FHIT: variants seen among roughly 807,000 people sequenced by gnomAD.
FHIT encodes bis(5'-adenosyl)-triphosphatase.
In FHIT, 19 loss-of-function variants were observed where a neutral mutation model predicts 17.9. That is an observed-to-expected ratio of 1.06 (90% CI 0.74 to 1.56). The LOEUF (loss-of-function observed/expected upper bound fraction) is 1.56, where lower values mean the gene tolerates loss of function less well. Ranked by LOEUF, FHIT falls within the 40% of genes most tolerant of loss-of-function variation. The probability of loss-of-function intolerance (pLI) is 0.00; values close to 1 mark genes in which losing one functional copy is unlikely to be tolerated. For synonymous variants in FHIT, 81 were observed against 69.7 expected (o/e 1.16, Z -0.81); for missense variants, 248 against 189.2 (o/e 1.31, Z -1.82).
At chr3:60,931,995 T>C (rs1553771916) in intron 3 of FHIT, among the ~76,000 whole-genome samples, 1 of 152,190 alleles carries the variant, frequency 6.6e-6, no homozygotes, top group East Asian at 1.9e-4. Context: ...CACTAGGGTG[T>C]AGAGAACTTT....
chr3:60,489,499 C>T (rs1298455209), intron 5 of FHIT, among the ~76,000 whole-genome samples: 1 of 152,088 alleles, frequency 6.6e-6, no homozygotes, highest in African/African-American at 2.4e-5. Flanking sequence ...ATCTAGCTTA[C>T]AACTGTTTGG....
chr3:60,431,174 G>A (rs1047080478), intron 5 of FHIT, among the ~76,000 whole-genome samples: 2 of 150,510 alleles, frequency 1.3e-5, no homozygotes, highest in Admixed American at 6.6e-5. Context: ...TCGCACCACT[G>A]CACTCTAGCC....
At chr3:60,122,994 G>T (rs1319145954) in intron 5 of FHIT, among the ~76,000 whole-genome samples, 1 of 152,136 alleles carries the variant, frequency 6.6e-6, no homozygotes, top group African/African-American at 2.4e-5. Context: ...CTTGTAATGG[G>T]CTGGTATAAT....
At chr3:60,915,701 AC>A (rs2107290626) in intron 3 of FHIT, among the ~76,000 whole-genome samples, 1 of 152,318 alleles carries the variant, frequency 6.6e-6, no homozygotes, top group Non-Finnish European at 1.5e-5. Flanking sequence ...TCTAAAAGAA[AC>A]TTTTAGGTGT....
intron 5 of FHIT, among the ~76,000 whole-genome samples, chr3:60,268,529 TTGAG>T (rs1706701961): frequency 6.6e-6 from 1 of 152,224 alleles, no homozygotes; most frequent in Non-Finnish European, 1.5e-5. Flanking sequence ...TGGACATTTA[TTGAG>T]TAAGAAGAAA....
intron 4 of FHIT, among the ~76,000 whole-genome samples, chr3:60,624,088 C>A (rs1553679864): frequency 1.3e-5 from 2 of 152,100 alleles, no homozygotes; most frequent in African/African-American, 4.8e-5. Flanking sequence ...TTAATCCATG[C>A]CTAAGTGGAG....
chr3:60,118,045 T>C (rs1366576462), intron 5 of FHIT, among the ~76,000 whole-genome samples: 1 of 152,184 alleles, frequency 6.6e-6, no homozygotes, highest in Non-Finnish European at 1.5e-5. Context: ...CCAAGGATAT[T>C]ATTTATCTTT....
intron 5 of FHIT, among the ~76,000 whole-genome samples, chr3:60,047,476 A>G (rs538048396): frequency 6.6e-6 from 1 of 152,358 alleles, no homozygotes; most frequent in East Asian, 1.9e-4. Flanking sequence ...ATGCTCTTGT[A>G]GAAGGAGCCA....
intron 5 of FHIT, among the ~76,000 whole-genome samples, chr3:60,384,480 G>A (rs368241125): frequency 4.6e-5 from 7 of 152,026 alleles, no homozygotes; most frequent in South Asian, 2.1e-4. Flanking sequence ...GGAGAGAGTC[G>A]TATGTTTTTC....
chr3:60,590,944 T>G (rs2038064284), intron 4 of FHIT, among the ~76,000 whole-genome samples: 1 of 152,032 alleles, frequency 6.6e-6, no homozygotes. Context: ...CAAGAAGGAT[T>G]CATCCAGGGG....
chr3:59,851,392 T>C (rs1171903765), intron 8 of FHIT, among the ~76,000 whole-genome samples: 3 of 152,242 alleles, frequency 2.0e-5, no homozygotes, highest in African/African-American at 7.2e-5. Context: ...ATATCCATTA[T>C]TGTACTTGAT....
intron 5 of FHIT, among the ~76,000 whole-genome samples, chr3:60,200,102 T>C (rs1016879034): frequency 5.3e-5 from 8 of 152,022 alleles, no homozygotes; most frequent in Non-Finnish European, 1.0e-4. Flanking sequence ...CCAATCAACA[T>C]AGACAAGGTA....
intron 1 of FHIT, among the ~76,000 whole-genome samples, chr3:61,249,747 T>C (rs955977511): frequency 1.3e-5 from 2 of 152,164 alleles, no homozygotes; most frequent in African/African-American, 4.8e-5. Context: ...AGCTGTGTAA[T>C]CATGGGCTAT....
chr3:59,786,662 C>T (rs1235566011), intron 8 of FHIT, among the ~76,000 whole-genome samples: 3 of 152,196 alleles, frequency 2.0e-5, no homozygotes, highest in Admixed American at 2.0e-4. Context: ...TGTAGGAAAG[C>T]GGAGATATTC....
intron 2 of FHIT, among the ~76,000 whole-genome samples, chr3:61,102,592 T>C (rs1281365751): frequency 3.3e-5 from 5 of 152,232 alleles, no homozygotes; most frequent in Non-Finnish European, 7.3e-5. Context: ...GAGGATTCCC[T>C]CTTTTTCTAT....
At chr3:61,036,909 T>G (rs1409425332) in intron 3 of FHIT, among the ~76,000 whole-genome samples, 4 of 136,220 alleles carry the variant, frequency 2.9e-5, no homozygotes, top group South Asian at 5.2e-4. Flanking sequence ...TTGTTTTTTT[T>G]TTTTGTTTGT....
chr3:60,561,202 C>T (rs2036933215), intron 4 of FHIT, among the ~76,000 whole-genome samples: 1 of 151,872 alleles, frequency 6.6e-6, no homozygotes, highest in South Asian at 2.1e-4. Flanking sequence ...AATTACACAT[C>T]AAATTACCAA....
chr3:60,843,814 C>T (rs1702825907), intron 3 of FHIT, among the ~76,000 whole-genome samples: 1 of 152,128 alleles, frequency 6.6e-6, no homozygotes, highest in Non-Finnish European at 1.5e-5. Flanking sequence ...AGTGTTCATC[C>T]TTCTCTTCTT....
chr3:59,892,592 A>G (rs1390297161), intron 8 of FHIT, among the ~76,000 whole-genome samples: 1 of 152,238 alleles, frequency 6.6e-6, no homozygotes, highest in Non-Finnish European at 1.5e-5. Context: ...CCAGAACACG[A>G]GAAACAAGAT....
Sources: gnomAD v4.1 joint callset for allele counts (sites outside exome capture counted in the v4.1 genomes callset) on GRCh38, gnomAD v4.1.1 for gene constraint, MANE v1.5 for transcripts, NCBI Gene and HGNC (gene_info 2026-07-23, HGNC 2026-07-21) for gene names.